EBF1: variants seen among roughly 807,000 people sequenced by gnomAD.
The protein encoded by EBF1 is EBF transcription factor 1, also known as transcription factor COE1.
Under a neutral mutation model 68.4 loss-of-function variants are expected in EBF1, and 10 were observed. That is an observed-to-expected ratio of 0.15 (90% CI 0.09 to 0.25). The LOEUF is 0.25. Among genes scored for constraint, EBF1 ranks in the 10% least tolerant of loss-of-function variants. The probability of loss-of-function intolerance (pLI) is 1.00; values close to 1 mark genes in which losing one functional copy is unlikely to be tolerated. For synonymous variants in EBF1, 298 were observed against 299.8 expected (o/e 0.99, Z 0.06); for missense variants, 509 against 794.4 (o/e 0.64, Z 4.32).
intron 13 of EBF1, 94 bp from the exon 14 acceptor site, chr5:158,712,427 C>T: frequency 7.1e-7 from 1 of 1,407,278 alleles, no homozygotes; most frequent in Admixed American, 2.0e-5. Flanking sequence ...GTTTCTGGCC[C>T]CGTCGCCGCA....
At chr5:159,063,784 A>C (rs1776272171) in intron 6 of EBF1, among the ~76,000 whole-genome samples, 4 of 152,218 alleles carry the variant, frequency 2.6e-5, no homozygotes, top group Non-Finnish European at 4.4e-5. Context: ...TCCACATGGA[A>C]TATACGATGC....
At chr5:158,824,104 A>G (rs1785480634) in intron 7 of EBF1, among the ~76,000 whole-genome samples, 1 of 152,192 alleles carries the variant, frequency 6.6e-6, no homozygotes, top group South Asian at 2.1e-4. Flanking sequence ...TCCTTATATT[A>G]AATGGGGAAA....
At chr5:159,021,257 A>G (rs1366070589) in intron 6 of EBF1, among the ~76,000 whole-genome samples, 1 of 152,230 alleles carries the variant, frequency 6.6e-6, no homozygotes, top group Non-Finnish European at 1.5e-5. Context: ...TAATGCTACC[A>G]ACCTTGGAGG....
At chr5:158,995,577 G>A (rs543075197) in intron 6 of EBF1, among the ~76,000 whole-genome samples, 45 of 152,304 alleles carry the variant, frequency 3.0e-4, no homozygotes, top group Non-Finnish European at 5.3e-4. Flanking sequence ...AAAAAGCCCC[G>A]AACAGGGCAT....
chr5:159,065,440 C>A (rs1362591527), intron 6 of EBF1, among the ~76,000 whole-genome samples: 2 of 152,114 alleles, frequency 1.3e-5, no homozygotes, highest in Non-Finnish European at 2.9e-5. Flanking sequence ...AATACCCTAT[C>A]ATTTTACTTT....
At chr5:159,084,220 C>T (rs192196832) in intron 5 of EBF1, among the ~76,000 whole-genome samples, 58 of 151,570 alleles carry the variant, frequency 3.8e-4, no homozygotes, top group African/African-American at 1.3e-3. Context: ...TAAGTGTGGA[C>T]GTCATATTTT....
chr5:158,740,554 G>C (rs1360379391), intron 10 of EBF1, among the ~76,000 whole-genome samples: 1 of 152,188 alleles, frequency 6.6e-6, no homozygotes, highest in African/African-American at 2.4e-5. Flanking sequence ...GAAAGTACTT[G>C]TAACTGGAAG....
intron 6 of EBF1, among the ~76,000 whole-genome samples, chr5:158,994,682 A>G (rs1761061217): frequency 6.6e-6 from 1 of 152,196 alleles, no homozygotes; most frequent in Non-Finnish European, 1.5e-5. Flanking sequence ...TTTACATTTT[A>G]TCATTGGAAT....
intron 14 of EBF1, among the ~76,000 whole-genome samples, 168 bp from the exon 15 acceptor site, chr5:158,708,341 G>A (rs756622780): frequency 6.6e-6 from 1 of 152,158 alleles, no homozygotes; most frequent in South Asian, 2.1e-4. Flanking sequence ...TCACTATACA[G>A]AACTTAGCAC....
rs569033696 is a variant in EBF1, at chr5:158,938,601, A to G, written c.555-98491T>C. Among the ~76,000 whole-genome samples, 157 of 152,294 alleles carry G rather than the reference A, an allele frequency of 1.0e-3. 1 individual carries two copies. The highest frequency in any genetic ancestry group is 3.6e-3 in the African/African-American group (149 of 41,554). On this transcript the variant is annotated intron_variant, in intron 6 of 15. Coordinates refer to ENST00000313708, the MANE Select transcript of EBF1 (RefSeq NM_024007.5). ...AAGATGAGGGTGCTGCAGATTCAAT[A>G]TCTGCTGAGGGCTCTCTTCCCAGTC...
intron 6 of EBF1, among the ~76,000 whole-genome samples, chr5:159,057,318 G>T (rs1774955886): frequency 6.6e-6 from 1 of 151,976 alleles, no homozygotes; most frequent in Admixed American, 6.6e-5. Flanking sequence ...TTTTGGCCAG[G>T]CTGGTCTCGA....
intron 6 of EBF1, among the ~76,000 whole-genome samples, chr5:158,923,623 T>C (rs1249726891): frequency 6.6e-6 from 1 of 152,214 alleles, no homozygotes; most frequent in African/African-American, 2.4e-5. Flanking sequence ...AGCCACGTTA[T>C]ACCAAAGGGA....
At position 158,735,803 on chromosome 5, in the gene EBF1, A is replaced by G. The variant is rs75731842; in HGVS notation, c.1037-4646T>C. ...GGATCTCATCATCTCAGAGTCCCCT[A>G]AAGGAAACCAGCAACTTTCTATTCC... On this transcript the variant is annotated intron_variant, in intron 10 of 15. Coordinates refer to ENST00000313708, the MANE Select transcript of EBF1 (RefSeq NM_024007.5). 8.8e-3 allele frequency among the ~76,000 whole-genome samples: 1,339 copies of G among 152,322 alleles called. 18 individuals are homozygous for G. Among genetic ancestry groups the G allele is most frequent in the African/African-American group, 0.031 (1,270 of 41,570 alleles).
chr5:158,708,787 C>T (rs1758475060), intron 14 of EBF1, among the ~76,000 whole-genome samples: 1 of 152,318 alleles, frequency 6.6e-6, no homozygotes. Context: ...GGCCACCAGA[C>T]TGCCACATGC....
At chr5:158,769,156 C>A (rs900436778) in intron 10 of EBF1, among the ~76,000 whole-genome samples, 6 of 152,194 alleles carry the variant, frequency 3.9e-5, no homozygotes, top group Non-Finnish European at 5.9e-5. Flanking sequence ...TTATCTGCTT[C>A]TTCCTACTGT....
chr5:158,905,471 T>A (rs959223118), intron 6 of EBF1, among the ~76,000 whole-genome samples: 2 of 152,190 alleles, frequency 1.3e-5, no homozygotes, highest in Non-Finnish European at 2.9e-5. Context: ...GGATGAGGAT[T>A]AAGTCATTTC....
chr5:158,754,577 T>G (rs1769639022), intron 10 of EBF1, among the ~76,000 whole-genome samples: 1 of 152,188 alleles, frequency 6.6e-6, no homozygotes, highest in Non-Finnish European at 1.5e-5. Flanking sequence ...TGGAGTATTC[T>G]TCATTCATTC....
intron 10 of EBF1, among the ~76,000 whole-genome samples, chr5:158,732,732 T>C (rs1764369958): frequency 6.6e-6 from 1 of 152,242 alleles, no homozygotes; most frequent in African/African-American, 2.4e-5. Flanking sequence ...TTGTATATTT[T>C]AAGTTAGAGT....
At chr5:158,830,974 T>C (rs79188058) in intron 7 of EBF1, among the ~76,000 whole-genome samples, 99 of 152,336 alleles carry the variant, frequency 6.5e-4, no homozygotes, top group African/African-American at 2.4e-3. Flanking sequence ...AATCCTCAGA[T>C]ACATGTGCTA....
Sources: allele counts gnomAD v4.1 joint callset (sites outside exome capture counted in the v4.1 genomes callset), GRCh38; gene constraint gnomAD v4.1.1; transcripts MANE v1.5; gene names NCBI Gene and HGNC (gene_info 2026-07-23, HGNC 2026-07-21).